Variants in GPHN observed in about 807,000 individuals in gnomAD.
GPHN encodes gephyrin.
A neutral mutation model predicts 95.5 loss-of-function variants in GPHN; 17 were observed. The observed-to-expected ratio is 0.18, with a 90% confidence interval of 0.12 to 0.27. The LOEUF (loss-of-function observed/expected upper bound fraction) is 0.27. Among genes scored for constraint, GPHN ranks in the 10% least tolerant of loss-of-function variants. The pLI is 1.00. For synonymous variants in GPHN, 320 were observed against 322.5 expected, an observed-to-expected ratio of 0.99 and a Z score of 0.08; for missense variants, 660 against 978.1, an observed-to-expected ratio of 0.67 and a Z score of 4.34.
At chr14:67,549,774 C>G in the GPHN span, among the ~76,000 whole-genome samples, 2 of 152,236 alleles carry the variant, frequency 1.3e-5, no homozygotes, top group Admixed American at 6.5e-5. Flanking sequence ...CTGTTTCTTA[C>G]AGTGTGGTCT....
chr14:67,356,842 T>C, the GPHN span, among the ~76,000 whole-genome samples: 5 of 152,214 alleles, frequency 3.3e-5, no homozygotes, highest in African/African-American at 1.2e-4. Flanking sequence ...TCCATCTCAA[T>C]GTGTGCATTT....
At chr14:67,340,692 T>C in the GPHN span, among the ~76,000 whole-genome samples, 2 of 152,010 alleles carry the variant, frequency 1.3e-5, no homozygotes, top group Admixed American at 1.3e-4. Context: ...CCTCCCCCTC[T>C]CCCTCTCCCC....
At chr14:66,689,122 T>G (rs1394985911) in intron 2 of GPHN, among the ~76,000 whole-genome samples, 2 of 152,144 alleles carry the variant, frequency 1.3e-5, no homozygotes, top group African/African-American at 4.8e-5. Flanking sequence ...GTTCCAGAAC[T>G]TAGAGGAAAA....
the GPHN span, among the ~76,000 whole-genome samples, chr14:67,450,739 AG>A: frequency 1.3e-4 from 20 of 152,360 alleles, no homozygotes; most frequent in African/African-American, 3.4e-4. Context: ...AGAGCATAAA[AG>A]TTCAGAAAAT....
the GPHN span, among the ~76,000 whole-genome samples, chr14:67,525,810 G>A: frequency 6.6e-6 from 1 of 152,200 alleles, no homozygotes; most frequent in African/African-American, 2.4e-5. Context: ...CTTCTCAGGA[G>A]TGTCTTTTGT....
the GPHN span, among the ~76,000 whole-genome samples, chr14:67,539,139 T>G: frequency 1.3e-5 from 2 of 152,318 alleles, no homozygotes; most frequent in East Asian, 3.9e-4. Context: ...CCACTTTTCC[T>G]ATTTATACAA....
At chr14:67,637,410 CAA>C in the GPHN span, among the ~76,000 whole-genome samples, 9,689 of 102,256 alleles carry the variant, frequency 0.095, 215 homozygotes, top group South Asian at 0.25. Context: ...GACTCTGTCT[CAA>C]AAAAAAAAAA....
chr14:66,936,530 C>T lies in GPHN; in HGVS notation c.828+12238C>T, dbSNP rs531333993. Among the ~76,000 whole-genome samples, 7 of 152,160 alleles carry T rather than the reference C, an allele frequency of 4.6e-5. No individual in the cohort carries two copies. In the South Asian group the frequency reaches 1.5e-3, roughly 32 times the overall value. ...CTGATCCAAGCAAAAAAGCTTTAAG[C>T]TATAAACATCTGTGGAGTAAGAAGA... is the stretch of plus-strand genomic sequence containing the variant. On this transcript the variant is annotated intron_variant, in intron 8 of 22. Coordinates refer to ENST00000478722, the MANE Select transcript of GPHN (RefSeq NM_020806.5).
At chr14:66,630,835 T>A (rs1402355413) in intron 1 of GPHN, among the ~76,000 whole-genome samples, 1 of 152,160 alleles carries the variant, frequency 6.6e-6, no homozygotes, top group African/African-American at 2.4e-5. Context: ...TTACATAGTC[T>A]GTTTCTGGTA....
Position 66,771,767 on chromosome 14 carries a change from T to G in GPHN, c.144-4697T>G, listed in dbSNP as rs1045703759. On this transcript the variant is annotated intron_variant, in intron 2 of 22. Coordinates refer to ENST00000478722, the MANE Select transcript of GPHN (RefSeq NM_020806.5). ...CAGTCCCCAGAGTGTGATGTTCCCC[T>G]TCCTGTGTCCATGTGATCTCATTGT... Among the ~76,000 whole-genome samples the G allele has an allele frequency of 4.4e-4, 53 of 121,820 alleles. No homozygotes were observed. The Middle Eastern group carries it at 0.034, about 79-fold the overall frequency. 79.9% of individuals were successfully genotyped at this position (121,820 alleles called of 152,430 possible).
At chr14:67,674,571 C>T in the GPHN span, 1 of 1,260,504 alleles carries the variant, frequency 7.9e-7, no homozygotes, top group Non-Finnish European at 1.0e-6. Flanking sequence ...CCGCCCAGCC[C>T]AGTGGCCATA....
Position 67,115,533 on chromosome 14 carries a change from G to C in GPHN, c.1626+2362G>C, listed in dbSNP as rs937733515. ...GGATCGCTTGAGGTCAGGAGTTCGA[G>C]ACCAGACTGACCAACATGGTGAAAC... On this transcript the variant is annotated intron_variant, in intron 16 of 22. Coordinates refer to ENST00000478722, the MANE Select transcript of GPHN (RefSeq NM_020806.5). 1.9e-4 allele frequency among the ~76,000 whole-genome samples: 29 copies of C among 152,138 alleles called. 1 individual carries two copies. Among genetic ancestry groups the C allele is most frequent in the African/African-American group, 7.0e-4 (29 of 41,438 alleles).
chr14:66,788,231 C>T (rs889727275), intron 3 of GPHN, among the ~76,000 whole-genome samples: 30 of 152,184 alleles, frequency 2.0e-4, no homozygotes, highest in African/African-American at 7.2e-4. Context: ...ATCGCTTGAA[C>T]CCAGGTGGCG....
chr14:66,807,690 T>G (rs2060602168), intron 3 of GPHN, among the ~76,000 whole-genome samples: 1 of 152,260 alleles, frequency 6.6e-6, no homozygotes, highest in Non-Finnish European at 1.5e-5. Flanking sequence ...GAATTATCTT[T>G]ACTTCTTTTG....
At chr14:67,532,131 C>T in the GPHN span, among the ~76,000 whole-genome samples, 3 of 152,122 alleles carry the variant, frequency 2.0e-5, no homozygotes, top group African/African-American at 2.4e-5. Context: ...TAAATTCTCA[C>T]GTTTGGCCTC....
At chr14:67,578,699 A>G in the GPHN span, 6 of 1,009,706 alleles carry the variant, frequency 5.9e-6, no homozygotes, top group Non-Finnish European at 9.2e-6. This position sits in a 1 kb window ranked among gnomAD's most constrained non-coding sequence, Gnocchi z 5.0. Context: ...AAGAGGGATG[A>G]GAGGAGTCTA....
At chr14:66,973,190 C>T (rs1471581961) in intron 9 of GPHN, among the ~76,000 whole-genome samples, 2 of 151,848 alleles carry the variant, frequency 1.3e-5, no homozygotes, top group Admixed American at 1.3e-4. Flanking sequence ...TATACTCAGT[C>T]CAAGAGATCT....
chr14:67,139,805 G>A (rs1236332260), intron 17 of GPHN, among the ~76,000 whole-genome samples: 1 of 152,138 alleles, frequency 6.6e-6, no homozygotes, highest in Non-Finnish European at 1.5e-5. Context: ...GTTACAGAGA[G>A]TAGCAAAGGG....
At chr14:66,536,218 T>C (rs1184039006) in intron 1 of GPHN, among the ~76,000 whole-genome samples, 2 of 152,208 alleles carry the variant, frequency 1.3e-5, no homozygotes, top group African/African-American at 4.8e-5. Context: ...CCCAAAGTGC[T>C]GGGATTACAG....
Sources: gnomAD v4.1 joint callset for allele counts (sites outside exome capture counted in the v4.1 genomes callset) on GRCh38, gnomAD v4.1.1 for gene constraint, Gnocchi (gnomAD v3.1) non-coding constraint, MANE v1.5 for transcripts, NCBI Gene and HGNC (gene_info 2026-07-23, HGNC 2026-07-21) for gene names.